Variants in DEFB127 observed in about 807,000 individuals in gnomAD.
DEFB127 encodes the protein defensin beta 127.
DEFB127 carries 2 observed loss-of-function variants against 2.4 expected under a neutral mutation model. The observed-to-expected ratio is 0.82, with a 90% confidence interval of 0.34 to 2.58. DEFB127 has a LOEUF of 2.58. DEFB127 is among the 30% of genes most tolerant of loss of function. DEFB127 has a pLI of 0.11. For missense variants in DEFB127, 110 were observed against 113.2 expected, an observed-to-expected ratio of 0.97 and a Z score of 0.13; for synonymous variants, 37 against 39.8, an observed-to-expected ratio of 0.93 and a Z score of 0.26.
At chr20:157,931 ATG>A (rs1190932870) in intron 1 of DEFB127, among the ~76,000 whole-genome samples, 2,567 of 21,130 alleles carry the variant, frequency 0.12, 72 homozygotes, top group African/African-American at 0.15. Context: ...AAATATATAT[ATG>A]TGTGTGTGTG....
Position 157,553 on chromosome 20 carries a change from C to T in DEFB127, c.9C>T (p.Leu3=), listed in dbSNP as rs113156985. 2.9e-4 allele frequency: 460 copies of T among 1,613,916 alleles called. No individual in the cohort carries two copies. The African/African-American group carries it at 5.3e-3, about 18-fold the overall frequency. ...TTCTGGAAAGCCTGGCCATGGGGCT[C>T]TTCATGATCATTGCAATTCTGCTGT... MG[L]FMIIAILLFQ... is the part of the protein sequence containing the mutation. The change falls in exon 1 of 2, where the codon CTC becomes CTT. Residue 3 remains leucine, a synonymous_variant. Transcript: ENST00000382388.
rs754480427 is a variant in DEFB127 at position 158,755 on chromosome 20, T to A, written c.50-19T>A. 1.9e-6 allele frequency: 3 copies of A among 1,595,972 alleles called. No individual in the cohort carries two copies. The East Asian group carries it at 6.7e-5, about 36-fold the overall frequency. On this transcript the variant is annotated intron_variant, in intron 1 of 1. Transcript: ENST00000382388. ...GTCTCAAACACTGATATTGTTCTAT[T>A]GCTCCTTTCTGTGTATAGTAACCGA...
Position 157,719 on chromosome 20 carries a change from A to T in DEFB127, c.49+126A>T, listed in dbSNP as rs1169929368. 4 of 988,396 alleles carry T rather than the reference A, an allele frequency of 4.0e-6. No homozygotes were observed. In the East Asian group the frequency reaches 1.0e-4, roughly 25 times the overall value. The allele number at this position is 988,396 out of a possible 1,614,324, so 61.2% of individuals were successfully genotyped here. The stretch of plus-strand genomic sequence containing the variant: ...CAAAGATGGCTAAAGTTTATCCAAC[A>T]TCATCAGAAATTTCCTCTTTCTGGA... On this transcript the variant is annotated intron_variant, in intron 1 of 1. Transcript: ENST00000382388.
Position 158,805 on chromosome 20 carries a change from C to G in DEFB127, c.81C>G (p.Asn27Lys). 1 of 1,613,212 alleles carries G rather than the reference C, an allele frequency of 6.2e-7. No homozygotes were observed. The highest frequency in any genetic ancestry group is 8.5e-7 in the Non-Finnish European group (1 of 1,179,510). ...AACAACTTAAGAAGTGCTGGAATAA[C>G]TATGTACAAGGACATTGCAGGAAAA... ...VTEQLKKCWN[N>K]YVQGHCRKIC... The change falls in exon 2 of 2, where the codon AAC (asparagine) becomes AAG (lysine). Residue 27 changes from asparagine (N) to lysine (K), a missense_variant. Transcript: ENST00000382388.
At chr20:158,312 G>C (rs2054711169) in intron 1 of DEFB127, among the ~76,000 whole-genome samples, 1 of 152,130 alleles carries the variant, frequency 6.6e-6, no homozygotes, top group South Asian at 2.1e-4. Context: ...TCTTGACCCT[G>C]ATAGTGGGTT....
Position 159,128 on chromosome 20 carries a change from C to G in DEFB127, c.*104C>G. On this transcript the variant is annotated 3_prime_UTR_variant, in exon 2 of 2. Transcript: ENST00000382388. ...TTTGGTTTCTTGATCCTTAAAATGA[C>G]CTTCGAGCATATTCTAATAAAGTGC... 1 of 1,304,732 alleles carries G rather than the reference C, an allele frequency of 7.7e-7. No individual in the cohort carries two copies. Among genetic ancestry groups the G allele is most frequent in the Non-Finnish European group, 1.0e-6 (1 of 962,710 alleles). The allele number at this position is 1,304,732 out of a possible 1,614,324, so 80.8% of individuals were successfully genotyped here. A position where few individuals can be genotyped will look rare whatever the true frequency, so the allele number is the denominator to read the frequency against.
rs190587824 is a variant in DEFB127, at chr20:159,089, T to C, written c.*65T>C. On this transcript the variant is annotated 3_prime_UTR_variant, in exon 2 of 2. Coordinates refer to ENST00000382388, the MANE Select transcript of DEFB127 (RefSeq NM_139074.4). ...TCTAATAAACTAAGGTGATGAGATA[T>C]ACATCTTCTTCCTTTTGGTTTCTTG... 4.9e-5 allele frequency: 73 copies of C among 1,487,698 alleles called. No homozygotes were observed. The highest frequency in any genetic ancestry group is 1.8e-4 in the Admixed American group (8 of 44,788). The allele number at this position is 1,487,698 out of a possible 1,614,324, so 92.2% of individuals were successfully genotyped here. A position where few individuals can be genotyped will look rare whatever the true frequency, so the allele number is the denominator to read the frequency against.
rs1263405237 is a variant in DEFB127, at chr20:157,551, C to A, written c.7C>A (p.Leu3Ile). The part of the protein sequence containing the change: MG[L>I]FMIIAILLFQ... ...TCTTCTGGAAAGCCTGGCCATGGGG[C>A]TCTTCATGATCATTGCAATTCTGCT... The change falls in exon 1 of 2, where the codon CTC (leucine) becomes ATC (isoleucine). Residue 3 changes from leucine (L) to isoleucine (I), a missense_variant. By Grantham distance (5) the Leu-to-Ile change is conservative. Coordinates refer to ENST00000382388, the MANE Select transcript of DEFB127 (RefSeq NM_139074.4). The A allele has an allele frequency of 6.2e-7, 1 of 1,613,884 alleles. No homozygotes were observed. The highest frequency in any genetic ancestry group is 8.5e-7 in the Non-Finnish European group (1 of 1,179,868).
Position 157,508 on chromosome 20 carries a change from A to G in DEFB127, c.-37A>G. ...AGCATAGTGTGCAGTTCACTGGACCAAAAGCTTTGGCTGCACCTCTTCTGG... is the reference window on the plus strand; with the variant it reads ...AGCATAGTGTGCAGTTCACTGGACCGAAAGCTTTGGCTGCACCTCTTCTGG... On this transcript the variant is annotated 5_prime_UTR_variant, in exon 1 of 2. Coordinates refer to ENST00000382388, the MANE Select transcript of DEFB127 (RefSeq NM_139074.4). 6.2e-7 allele frequency: 1 copy of G among 1,608,706 alleles called. No individual in the cohort carries two copies. The highest frequency in any genetic ancestry group is 8.5e-7 in the Non-Finnish European group (1 of 1,177,608).
At chr20:157,629 G>A (rs751526097) in intron 1 of DEFB127, 36 bp downstream of exon 1, 29 of 1,612,284 alleles carry the variant, frequency 1.8e-5, no homozygotes, top group Non-Finnish European at 2.5e-5. Flanking sequence ...AATCAACAGT[G>A]GGATGGAGCA....
chr20:157,636 A>G (rs948949995), intron 1 of DEFB127, 43 bp downstream of exon 1: 1 of 1,609,820 alleles, frequency 6.2e-7, no homozygotes, highest in Admixed American at 1.7e-5. Context: ...AGTGGGATGG[A>G]GCATTTTCAG....
chr20:159,095 T>A lies in DEFB127; in HGVS notation c.*71T>A. ...AAACTAAGGTGATGAGATATACATC[T>A]TCTTCCTTTTGGTTTCTTGATCCTT... On this transcript the variant is annotated 3_prime_UTR_variant, in exon 2 of 2. Transcript: ENST00000382388. 1 of 1,470,484 alleles carries A rather than the reference T, an allele frequency of 6.8e-7. No individual in the cohort carries two copies. Among genetic ancestry groups the A allele is most frequent in the Non-Finnish European group, 9.1e-7 (1 of 1,094,926 alleles). The allele number at this position is 1,470,484 out of a possible 1,614,324, so 91.1% of individuals were successfully genotyped here. A position where few individuals can be genotyped will look rare whatever the true frequency, so the allele number is the denominator to read the frequency against.
At chr20:158,025 C>T (rs1272694948) in intron 1 of DEFB127, among the ~76,000 whole-genome samples, 3 of 151,824 alleles carry the variant, frequency 2.0e-5, no homozygotes, top group Admixed American at 2.0e-4. Context: ...TCAATATCTA[C>T]TAGTTTGTCA....
rs572004905 is a variant in DEFB127, at chr20:159,116, T to C, written c.*92T>C. ...CATCTTCTTCCTTTTGGTTTCTTGA[T>C]CCTTAAAATGACCTTCGAGCATATT... is the stretch of plus-strand genomic sequence containing the variant. On this transcript the variant is annotated 3_prime_UTR_variant, in exon 2 of 2. Transcript: ENST00000382388. The C allele has an allele frequency of 2.0e-5, 28 of 1,382,752 alleles. No individual in the cohort carries two copies. The African/African-American group carries it at 4.1e-4, about 20-fold the overall frequency. 85.7% of individuals were successfully genotyped at this position (1,382,752 alleles called of 1,614,324 possible). A position where few individuals can be genotyped will look rare whatever the true frequency, so the allele number is the denominator to read the frequency against.
intron 1 of DEFB127, among the ~76,000 whole-genome samples, chr20:158,202 C>T (rs202081807): frequency 2.6e-5 from 4 of 152,232 alleles, no homozygotes; most frequent in Admixed American, 1.3e-4. Context: ...AGATTTCTTA[C>T]ATGTGTCCCT....
In DEFB127 at chr20:157,460, G is replaced by T; in HGVS notation, c.-85G>T. 3 of 1,446,312 alleles carry T rather than the reference G, an allele frequency of 2.1e-6. No individual in the cohort carries two copies. The highest frequency in any genetic ancestry group is 1.7e-5 in the Admixed American group (1 of 59,016). The allele number at this position is 1,446,312 out of a possible 1,614,324, so 89.6% of individuals were successfully genotyped here. On this transcript the variant is annotated 5_prime_UTR_variant, in exon 1 of 2. Transcript: ENST00000382388. ...CCATCTGTTCTGGTTCAGTGCATAA[G>T]AATCTAAGTCTCTGAGGAAGGTAGC...
At chr20:157,730 T>C in intron 1 of DEFB127, 137 bp downstream of exon 1, 3 of 917,736 alleles carry the variant, frequency 3.3e-6, no homozygotes, top group Non-Finnish European at 3.3e-6. Flanking sequence ...TCATCAGAAA[T>C]TTCCTCTTTC....
intron 1 of DEFB127, 137 bp from the exon 2 acceptor site, chr20:158,637 T>G: frequency 1.2e-6 from 1 of 832,548 alleles, no homozygotes; most frequent in Non-Finnish European, 1.8e-6. Flanking sequence ...CGGAAAATCC[T>G]CTTCAGAATA....
chr20:157,929 A>ATG (rs1197434599), intron 1 of DEFB127, among the ~76,000 whole-genome samples: 9 of 130,360 alleles, frequency 6.9e-5, no homozygotes, highest in African/African-American at 2.4e-4. Context: ...TCAAATATAT[A>ATG]TATGTGTGTG....
Sources: gnomAD v4.1 joint callset for allele counts (sites outside exome capture counted in the v4.1 genomes callset) on GRCh38, gnomAD v4.1.1 for gene constraint, MANE v1.5 for transcripts, NCBI Gene and HGNC (gene_info 2026-07-23, HGNC 2026-07-21) for gene names.